Variants in DTWD2 observed in about 807,000 individuals in gnomAD.
DTWD2 encodes the protein tRNA-uridine aminocarboxypropyltransferase 2.
In DTWD2, 39 loss-of-function variants were observed where a neutral mutation model predicts 31.8. That is an observed-to-expected ratio of 1.22 (90% CI 0.95 to 1.60). The LOEUF (loss-of-function observed/expected upper bound fraction) is 1.60, where lower values mean the gene tolerates loss of function less well. DTWD2 is among the 40% of genes most tolerant of loss of function. The probability of loss-of-function intolerance (pLI) is 0.00; values close to 1 mark genes in which losing one functional copy is unlikely to be tolerated. For synonymous variants in DTWD2, 180 were observed against 142.8 expected, an observed-to-expected ratio of 1.26 and a Z score of -1.86; for missense variants, 515 against 381.5, an observed-to-expected ratio of 1.35 and a Z score of -2.92.
Position 118,841,050 on chromosome 5 carries a change from T to C in DTWD2, c.764A>G (p.Gln255Arg), listed in dbSNP as rs1580758467. ...GCGAATTTGGGCACCATGCTGAAGT[T>C]GAAAGGAGCATAAAGCTTGAAGAGG... is the stretch of plus-strand genomic sequence containing the variant. ...LRPLQALCSF[Q>R]LQHGAQIRLS... The change falls in exon 6 of 6, where the codon CAA becomes CGA. Residue 255 changes from glutamine to arginine, a missense_variant. Transcript: ENST00000510708. The C allele has an allele frequency of 6.2e-7, 1 of 1,613,290 alleles. No homozygotes were observed. The highest frequency in any genetic ancestry group is 1.1e-5 in the South Asian group (1 of 90,986).
chr5:118,852,337 C>T (rs1342435272), intron 4 of DTWD2, among the ~76,000 whole-genome samples: 1 of 152,056 alleles, frequency 6.6e-6, no homozygotes, highest in Admixed American at 6.6e-5. Context: ...ACATCCTCAG[C>T]TTATGAAGAT....
At chr5:118,956,442 T>G (rs2149591076) in intron 1 of DTWD2, among the ~76,000 whole-genome samples, 1 of 152,326 alleles carries the variant, frequency 6.6e-6, no homozygotes, top group Non-Finnish European at 1.5e-5. Flanking sequence ...AAGACTGACT[T>G]GCTTCCTAAA....
At chr5:118,956,047 C>T (rs1754577201) in intron 1 of DTWD2, among the ~76,000 whole-genome samples, 2 of 152,076 alleles carry the variant, frequency 1.3e-5, no homozygotes, top group East Asian at 3.8e-4. Flanking sequence ...TATTGTCTTG[C>T]TATGTGACCT....
At chr5:118,903,925 T>C (rs962630182) in intron 4 of DTWD2, among the ~76,000 whole-genome samples, 2 of 152,054 alleles carry the variant, frequency 1.3e-5, no homozygotes, top group Admixed American at 6.6e-5. Context: ...TTTACATATA[T>C]ATTAGTATGA....
intron 3 of DTWD2, among the ~76,000 whole-genome samples, chr5:118,935,153 A>G (rs1385432964): frequency 3.3e-5 from 5 of 152,196 alleles, no homozygotes; most frequent in Admixed American, 3.3e-4. Flanking sequence ...AGAGCTGAAC[A>G]TGTGGCCATT....
chr5:118,896,542 G>T (rs1239681615), intron 4 of DTWD2, among the ~76,000 whole-genome samples: 1 of 151,688 alleles, frequency 6.6e-6, no homozygotes, highest in Non-Finnish European at 1.5e-5. Context: ...ACCAGAGAAG[G>T]TATAGATAAC....
chr5:118,903,267 A>C (rs1275503432), intron 4 of DTWD2, among the ~76,000 whole-genome samples: 2 of 152,136 alleles, frequency 1.3e-5, no homozygotes, highest in South Asian at 4.1e-4. Flanking sequence ...TGCTACACAA[A>C]TGTTAAGCAT....
At chr5:118,944,465 G>T in intron 2 of DTWD2, 94 bp downstream of exon 2, 1 of 1,258,016 alleles carries the variant, frequency 7.9e-7, no homozygotes, top group Non-Finnish European at 1.1e-6. Context: ...TTTCAGAAAT[G>T]CTAAAGAGCT....
intron 3 of DTWD2, among the ~76,000 whole-genome samples, chr5:118,933,682 T>C (rs1025399008): frequency 7.9e-5 from 12 of 152,092 alleles, no homozygotes; most frequent in African/African-American, 2.9e-4. Context: ...CCAAAATACC[T>C]ATAGCTAGCA....
At chr5:118,956,144 T>C (rs1484992980) in intron 1 of DTWD2, among the ~76,000 whole-genome samples, 1 of 152,240 alleles carries the variant, frequency 6.6e-6, no homozygotes. Flanking sequence ...AACTACTGCA[T>C]TACAGGCAAA....
At position 118,970,017 on chromosome 5, in the gene DTWD2, A is replaced by G. The variant is rs112535241; in HGVS notation, c.218+18277T>C. 2.9e-3 allele frequency among the ~76,000 whole-genome samples: 442 copies of G among 152,332 alleles called. 5 individuals are homozygous for G. Among genetic ancestry groups the G allele is most frequent in the African/African-American group, 9.8e-3 (407 of 41,574 alleles). On this transcript the variant is annotated intron_variant, in intron 1 of 5. Transcript: ENST00000510708. ...ACCTGATGGAGCTGAAAAACACAAT[A>G]TAAGAAATTCACAATGCAATCACAA...
chr5:118,986,274 G>T (rs1010520238), intron 1 of DTWD2, among the ~76,000 whole-genome samples: 3 of 152,124 alleles, frequency 2.0e-5, no homozygotes, highest in Admixed American at 6.5e-5. Flanking sequence ...GGCAGGTTTT[G>T]TAAACAAGAC....
At chr5:118,846,920 GCACACA>G (rs144531960) in intron 5 of DTWD2, among the ~76,000 whole-genome samples, 5,108 of 134,886 alleles carry the variant, frequency 0.038, 129 homozygotes, top group African/African-American at 0.079. Context: ...AAACACACAG[GCACACA>G]CACACACACA....
intron 4 of DTWD2, among the ~76,000 whole-genome samples, chr5:118,872,069 A>G (rs1375536764): frequency 6.6e-6 from 1 of 152,106 alleles, no homozygotes; most frequent in Non-Finnish European, 1.5e-5. Flanking sequence ...TGAACCAACC[A>G]CTGATAGCTT....
intron 4 of DTWD2, among the ~76,000 whole-genome samples, chr5:118,862,709 C>A (rs182075091): frequency 2.0e-5 from 3 of 152,126 alleles, no homozygotes; most frequent in South Asian, 2.1e-4. Flanking sequence ...CACCAGAACC[C>A]CCAATTTGTT....
chr5:118,853,519 T>C (rs115152322), intron 4 of DTWD2, among the ~76,000 whole-genome samples: 2,741 of 152,110 alleles, frequency 0.018, 77 homozygotes, highest in African/African-American at 0.056. Flanking sequence ...CACTGGTAAA[T>C]TGGATAAAAA....
chr5:118,921,766 A>G (rs918546058), intron 4 of DTWD2, among the ~76,000 whole-genome samples: 8 of 152,194 alleles, frequency 5.3e-5, no homozygotes, highest in Non-Finnish European at 1.0e-4. Flanking sequence ...TCTACATCTC[A>G]ATGAGACTGT....
chr5:118,875,876 T>C (rs961335748), intron 4 of DTWD2, among the ~76,000 whole-genome samples: 2 of 151,756 alleles, frequency 1.3e-5, no homozygotes, highest in Admixed American at 1.3e-4. Context: ...GGGTATCCAC[T>C]CTCTGTGAAA....
chr5:118,916,038 C>T (rs1224728980), intron 4 of DTWD2, among the ~76,000 whole-genome samples: 1 of 152,098 alleles, frequency 6.6e-6, no homozygotes, highest in Non-Finnish European at 1.5e-5. Context: ...GGAAGGGTAG[C>T]TACTAAGGCC....
Sources: allele counts gnomAD v4.1 joint callset (sites outside exome capture counted in the v4.1 genomes callset), GRCh38; gene constraint gnomAD v4.1.1; transcripts MANE v1.5; gene names NCBI Gene and HGNC (gene_info 2026-07-23, HGNC 2026-07-21).